The following ROBO1 variants were observed in gnomAD, a reference collection of about 807,000 sequenced individuals.
ROBO1 encodes roundabout homolog 1.
Under a neutral mutation model 195.9 loss-of-function variants are expected in ROBO1, and 149 were observed. That is an observed-to-expected ratio of 0.76 (90% CI 0.67 to 0.87). The LOEUF (loss-of-function observed/expected upper bound fraction) is 0.87. Among genes scored for constraint, ROBO1 ranks in the 40% least tolerant of loss-of-function variants. The pLI, the probability that ROBO1 is intolerant of heterozygous loss-of-function variation, is 0.00. For synonymous variants in ROBO1, 816 were observed against 733.2 expected (o/e 1.11, Z -1.82); for missense variants, 1,933 against 2,068.3 (o/e 0.93, Z 1.27).
At chr3:78,651,393 A>G (rs2107618306) in intron 19 of ROBO1, among the ~76,000 whole-genome samples, 1 of 152,318 alleles carries the variant, frequency 6.6e-6, no homozygotes, top group East Asian at 1.9e-4. Context: ...TATAATTCCA[A>G]TAACAAGAAC....
intron 2 of ROBO1, among the ~76,000 whole-genome samples, chr3:79,523,161 C>CCACA (rs139825740): frequency 1.0e-3 from 150 of 146,364 alleles, no homozygotes; most frequent in South Asian, 7.3e-3. Context: ...GCTTCATAAA[C>CCACA]CACACACACA....
At position 79,266,445 on chromosome 3, in the gene ROBO1, T is replaced by C. The variant is rs141386662; in HGVS notation, c.89-140906A>G. ...AACCTGCAAGAGATAGAAAATATCC[T>C]TCTTAGCTACAGAATACTGACCTGT... On this transcript the variant is annotated intron_variant, in intron 2 of 30. Transcript: ENST00000464233. 4.9e-4 allele frequency among the ~76,000 whole-genome samples: 75 copies of C among 151,692 alleles called. 1 individual carries two copies. The East Asian group carries it at 0.014, about 27-fold the overall frequency.
At chr3:79,579,072 T>C (rs1252669995) in intron 2 of ROBO1, among the ~76,000 whole-genome samples, 2 of 152,206 alleles carry the variant, frequency 1.3e-5, no homozygotes, top group Non-Finnish European at 2.9e-5. Flanking sequence ...AGTCTTATAT[T>C]AGATGGCATC....
chr3:79,056,946 C>A (rs1027646700), intron 3 of ROBO1, among the ~76,000 whole-genome samples: 1 of 152,086 alleles, frequency 6.6e-6, no homozygotes, highest in African/African-American at 2.4e-5. Flanking sequence ...TGGATTTGAT[C>A]CGAATTTAAT....
chr3:78,915,215 C>A (rs567738611), intron 4 of ROBO1, among the ~76,000 whole-genome samples: 41 of 152,192 alleles, frequency 2.7e-4, no homozygotes, highest in African/African-American at 9.1e-4. Context: ...TAGATTCAGA[C>A]TTACCTAAGA....
At chr3:79,049,152 A>G (rs955690243) in intron 3 of ROBO1, among the ~76,000 whole-genome samples, 3 of 152,130 alleles carry the variant, frequency 2.0e-5, no homozygotes, top group South Asian at 2.1e-4. Context: ...AAATCTTGAA[A>G]AAGGTTAGAT....
At chr3:79,429,764 T>C (rs2038600343) in intron 2 of ROBO1, among the ~76,000 whole-genome samples, 1 of 152,166 alleles carries the variant, frequency 6.6e-6, no homozygotes, top group Non-Finnish European at 1.5e-5. Context: ...ACCAATTAAG[T>C]CTTCTTATTG....
intron 23 of ROBO1, among the ~76,000 whole-genome samples, chr3:78,635,061 T>C (rs1193422440): frequency 6.6e-6 from 1 of 152,140 alleles, no homozygotes. Context: ...CAAATCATGA[T>C]ATTATAGCAG....
rs187581564 is a variant in ROBO1 at position 79,609,886 on chromosome 3, T to A, written c.-50-19925A>T. Among the ~76,000 whole-genome samples, 50 of 152,044 alleles carry A rather than the reference T, an allele frequency of 3.3e-4. No homozygotes were observed. The East Asian group carries it at 9.7e-3, about 30-fold the overall frequency. ...AGTTATTGTTTAAAGGGTATATGATTTCCATTTTGCAAGATGAAAACAGTT... is the reference window on the plus strand; with the variant it reads ...AGTTATTGTTTAAAGGGTATATGATATCCATTTTGCAAGATGAAAACAGTT... On this transcript the variant is annotated intron_variant, in intron 1 of 30. Coordinates refer to ENST00000464233, the MANE Select transcript of ROBO1 (RefSeq NM_002941.4).
At chr3:78,932,382 T>C (rs188813568) in intron 4 of ROBO1, among the ~76,000 whole-genome samples, 1 of 152,334 alleles carries the variant, frequency 6.6e-6, no homozygotes, top group East Asian at 1.9e-4. Flanking sequence ...CTTTTCAGCA[T>C]GTATGAATAT....
At chr3:79,209,300 G>C (rs1427526633) in intron 2 of ROBO1, among the ~76,000 whole-genome samples, 1 of 152,074 alleles carries the variant, frequency 6.6e-6, no homozygotes, top group African/African-American at 2.4e-5. Flanking sequence ...CTCCATCCAA[G>C]TTGCTGCAAA....
At position 79,136,451 on chromosome 3, in the gene ROBO1, A is replaced by T. The variant is rs1322758076; in HGVS notation, c.89-10912T>A. On this transcript the variant is annotated intron_variant, in intron 2 of 30. Coordinates refer to ENST00000464233, the MANE Select transcript of ROBO1 (RefSeq NM_002941.4). ...GGCATTAATTGACATTTTAAAGATG[A>T]CCATTAATAAAAGATTAGGGAAAAG... Among the ~76,000 whole-genome samples, 15 of 152,272 alleles carry T rather than the reference A, an allele frequency of 9.9e-5. No individual in the cohort carries two copies. The South Asian group carries it at 3.1e-3, about 32-fold the overall frequency.
chr3:78,861,402 C>T (rs1420872908), intron 4 of ROBO1, among the ~76,000 whole-genome samples: 1 of 152,152 alleles, frequency 6.6e-6, no homozygotes, highest in Non-Finnish European at 1.5e-5. Flanking sequence ...ACCAGTCCTG[C>T]CTGCCAGTCA....
chr3:78,678,632 T>C (rs1188485373), intron 10 of ROBO1, among the ~76,000 whole-genome samples: 1 of 152,140 alleles, frequency 6.6e-6, no homozygotes, highest in Non-Finnish European at 1.5e-5. Flanking sequence ...CAGGAAGAAG[T>C]TGACTCTCTG....
At chr3:78,606,007 A>T (rs1259291220) in intron 29 of ROBO1, among the ~76,000 whole-genome samples, 1 of 152,134 alleles carries the variant, frequency 6.6e-6, no homozygotes, top group Non-Finnish European at 1.5e-5. Flanking sequence ...AATGTTTCTG[A>T]CACCTTCATC....
At chr3:79,506,181 A>G (rs1261924129) in intron 2 of ROBO1, among the ~76,000 whole-genome samples, 1 of 152,010 alleles carries the variant, frequency 6.6e-6, no homozygotes, top group Non-Finnish European at 1.5e-5. Context: ...AGATTTTATG[A>G]TGAGAAATAT....
intron 1 of ROBO1, among the ~76,000 whole-genome samples, chr3:79,684,803 G>A (rs905420408): frequency 6.6e-6 from 1 of 151,940 alleles, no homozygotes; most frequent in African/African-American, 2.4e-5. Context: ...AGCCTCCTGA[G>A]TAGCTGGGAC....
In ROBO1 at chr3:79,696,051, T is replaced by C. The variant is rs1576244354; in HGVS notation, c.-51+71701A>G. Among the ~76,000 whole-genome samples, 4 of 151,562 alleles carry C rather than the reference T, an allele frequency of 2.6e-5. No homozygotes were observed. In the East Asian group the frequency reaches 7.8e-4, roughly 29 times the overall value. ...TTGAACACTGTAATAAAAATGAGAA[T>C]GTGGGAGGGACTTGGGGTTTTTTGT... On this transcript the variant is annotated intron_variant, in intron 1 of 30. Coordinates refer to ENST00000464233, the MANE Select transcript of ROBO1 (RefSeq NM_002941.4).
intron 4 of ROBO1, among the ~76,000 whole-genome samples, chr3:78,849,870 A>ACT (rs1559922121): frequency 3.9e-4 from 59 of 150,734 alleles, no homozygotes; most frequent in African/African-American, 1.4e-3. Flanking sequence ...ACACACACAC[A>ACT]CTCTTATAGT....
Sources: allele counts gnomAD v4.1 joint callset (sites outside exome capture counted in the v4.1 genomes callset), GRCh38; gene constraint gnomAD v4.1.1; transcripts MANE v1.5; gene names NCBI Gene and HGNC (gene_info 2026-07-23, HGNC 2026-07-21).